PAPPA: variants seen among roughly 807,000 people sequenced by gnomAD.
The protein encoded by PAPPA is pappalysin-1.
Under a neutral mutation model 164.0 loss-of-function variants are expected in PAPPA, and 60 were observed. That is an observed-to-expected ratio of 0.37 (90% CI 0.30 to 0.45). PAPPA has a LOEUF of 0.45. Among genes scored for constraint, PAPPA ranks in the 20% least tolerant of loss-of-function variants. PAPPA has a pLI of 1.00. For missense variants in PAPPA, 1,782 were observed against 2,087.3 expected (o/e 0.85, Z 2.85); for synonymous variants, 875 against 814.1 (o/e 1.07, Z -1.27).
chr9:116,372,818 T>C (rs1846592630), intron 19 of PAPPA, among the ~76,000 whole-genome samples: 1 of 152,156 alleles, frequency 6.6e-6, no homozygotes, highest in Non-Finnish European at 1.5e-5. Context: ...TGCTAGGCAA[T>C]TCTATATATG....
chr9:116,178,979 C>A (rs184164323), intron 1 of PAPPA, among the ~76,000 whole-genome samples: 2 of 152,334 alleles, frequency 1.3e-5, no homozygotes, highest in African/African-American at 4.8e-5. Flanking sequence ...CCACATAAGT[C>A]TGTGTATTAT....
chr9:116,235,489 C>A lies in PAPPA; in HGVS notation c.2584C>A (p.Leu862Met), dbSNP rs1182880914. 2 of 1,613,594 alleles carry A rather than the reference C, an allele frequency of 1.2e-6. No homozygotes were observed. Among genetic ancestry groups the A allele is most frequent in the Non-Finnish European group, 1.7e-6 (2 of 1,179,922 alleles). Residue 862 changes from leucine to methionine, a missense_variant, in exon 7 of 22, where the codon CTG becomes ATG. Around this residue, in one of 2 missense-constraint regions of PAPPA, gnomAD observed 1,324 missense variants for 1,656.9 expected, o/e 0.80. Transcript: ENST00000328252. The part of the protein sequence containing the change: ...GIQIYTLDEH[L>M]EIDAAMLTST... Reference sequence around the variant, plus strand: ...CCAAATCTACACGCTGGATGAGCACCTGGAGATCGATGCTGCCATGTTGAC... The same window carrying A: ...CCAAATCTACACGCTGGATGAGCACATGGAGATCGATGCTGCCATGTTGAC...
intron 7 of PAPPA, among the ~76,000 whole-genome samples, chr9:116,237,411 T>G (rs1230077976): frequency 6.6e-6 from 1 of 152,246 alleles, no homozygotes; most frequent in Non-Finnish European, 1.5e-5. Context: ...ACTTAAACTT[T>G]CTTTATAAAA....
chr9:116,368,397 C>T (rs904100286), intron 19 of PAPPA, among the ~76,000 whole-genome samples: 3 of 152,182 alleles, frequency 2.0e-5, no homozygotes, highest in East Asian at 1.9e-4. Flanking sequence ...ACTGAAATCT[C>T]GGAAGTGAGG....
intron 17 of PAPPA, among the ~76,000 whole-genome samples, chr9:116,360,090 C>T (rs1407130962): frequency 6.6e-6 from 1 of 152,228 alleles, no homozygotes; most frequent in Non-Finnish European, 1.5e-5. Context: ...TTCTCTGTTA[C>T]AAACCAAGCT....
chr9:116,253,353 A>C (rs1844882193), intron 7 of PAPPA, among the ~76,000 whole-genome samples: 1 of 152,136 alleles, frequency 6.6e-6, no homozygotes. Flanking sequence ...CTCCATTTTG[A>C]CTGAGCTTCA....
chr9:116,246,223 T>A (rs1844795133), intron 7 of PAPPA, among the ~76,000 whole-genome samples: 2 of 152,150 alleles, frequency 1.3e-5, no homozygotes. Context: ...CAAACAGATA[T>A]CCTAATGTCC....
At chr9:116,286,909 G>C (rs1052039346) in intron 9 of PAPPA, 3 of 152,130 alleles carry the variant, frequency 2.0e-5, no homozygotes, top group Admixed American at 1.3e-4. Context: ...CGGACTCAGG[G>C]CTAAAGTGTG....
chr9:116,364,030 C>T (rs541932883), intron 18 of PAPPA, among the ~76,000 whole-genome samples: 2 of 152,280 alleles, frequency 1.3e-5, no homozygotes, highest in East Asian at 1.9e-4. Flanking sequence ...GAGATGCTGA[C>T]CAGGAGTGTT....
intron 10 of PAPPA, among the ~76,000 whole-genome samples, chr9:116,329,664 G>A (rs764403136): frequency 6.6e-5 from 10 of 152,084 alleles, no homozygotes; most frequent in African/African-American, 1.9e-4. Flanking sequence ...TATAAATGAC[G>A]TCATGATGTA....
intron 9 of PAPPA, among the ~76,000 whole-genome samples, chr9:116,279,678 C>A (rs2118841250): frequency 6.6e-6 from 1 of 152,214 alleles, no homozygotes. Flanking sequence ...TCTGGGTAGC[C>A]AAGAACAAGG....
intron 17 of PAPPA, among the ~76,000 whole-genome samples, chr9:116,361,052 T>C (rs2118624094): frequency 6.6e-6 from 1 of 152,268 alleles, no homozygotes; most frequent in Non-Finnish European, 1.5e-5. Context: ...ATACGATGCC[T>C]TCACAAATGC....
At chr9:116,243,164 T>G (rs2118762657) in intron 7 of PAPPA, among the ~76,000 whole-genome samples, 1 of 152,304 alleles carries the variant, frequency 6.6e-6, no homozygotes, top group South Asian at 2.1e-4. Context: ...TGATTCTTCT[T>G]TTATGTATTG....
Position 116,371,552 on chromosome 9 carries a change from A to AAACTT in PAPPA, c.4605+3799_4605+3803dup, listed in dbSNP as rs1331993619. ...ACATACTACCCAACTTAATAAATAAAAACTTTACAGATACTGTTGAAGTTC... is the reference window on the plus strand; with the variant it reads ...ACATACTACCCAACTTAATAAATAAAAACTTAACTTTACAGATACTGTTGAAGTTC... On this transcript the variant is annotated intron_variant, in intron 19 of 21. Transcript: ENST00000328252. Among the ~76,000 whole-genome samples the AAACTT allele has an allele frequency of 3.3e-5, 5 of 152,278 alleles. No homozygotes were observed. The South Asian group carries it at 1.0e-3, about 32-fold the overall frequency.
chr9:116,279,790 G>C (rs762438455), intron 9 of PAPPA, among the ~76,000 whole-genome samples: 7 of 152,202 alleles, frequency 4.6e-5, no homozygotes, highest in Non-Finnish European at 1.0e-4. Flanking sequence ...GGAGAGGGTA[G>C]AGGCCTCTAG....
Position 116,398,664 on chromosome 9 carries a change from C to A in PAPPA, c.*2048C>A. Reference sequence around the variant, plus strand: ...GGTGCCCACAAATACGGATGCAGTGCTGAGATAGTTTATGAGACTTGTACC... The same window carrying A: ...GGTGCCCACAAATACGGATGCAGTGATGAGATAGTTTATGAGACTTGTACC... On this transcript the variant is annotated 3_prime_UTR_variant, in exon 22 of 22. Coordinates refer to ENST00000328252, the MANE Select transcript of PAPPA (RefSeq NM_002581.5). 1.8e-6 allele frequency: 1 copy of A among 562,758 alleles called. No homozygotes were observed. The highest frequency in any genetic ancestry group is 3.1e-6 in the Non-Finnish European group (1 of 324,462). The allele number at this position is 562,758 out of a possible 1,614,324, so 34.9% of individuals were successfully genotyped here.
intron 2 of PAPPA, among the ~76,000 whole-genome samples, chr9:116,197,499 G>T (rs900384596): frequency 3.3e-5 from 5 of 152,328 alleles, no homozygotes; most frequent in South Asian, 2.1e-4. Context: ...CTACATGTCT[G>T]CTATTTTATT....
At chr9:116,304,224 G>T (rs1845616016) in intron 10 of PAPPA, among the ~76,000 whole-genome samples, 1 of 152,212 alleles carries the variant, frequency 6.6e-6, no homozygotes, top group Non-Finnish European at 1.5e-5. Context: ...TTGAGAACAA[G>T]TTTCAGTTTA....
intron 2 of PAPPA, among the ~76,000 whole-genome samples, chr9:116,205,759 TA>T (rs1323811407): frequency 1.3e-5 from 2 of 152,336 alleles, no homozygotes; most frequent in Non-Finnish European, 2.9e-5. Context: ...CTCTCTTTAT[TA>T]ACTACCTTAA....
Sources: allele counts gnomAD v4.1 joint callset (sites outside exome capture counted in the v4.1 genomes callset), GRCh38; gene constraint gnomAD v4.1.1; regional missense constraint gnomAD v4.1.1; transcripts MANE v1.5; gene names NCBI Gene and HGNC (gene_info 2026-07-23, HGNC 2026-07-21).